Variants in GNL3L observed in about 807,000 individuals in gnomAD.
GNL3L encodes guanine nucleotide-binding protein-like 3-like protein.
Under a neutral mutation model 42.9 loss-of-function variants are expected in GNL3L, and 4 were observed. That is an observed-to-expected ratio of 0.09 (90% confidence interval 0.05 to 0.21). The LOEUF (loss-of-function observed/expected upper bound fraction) is 0.21, where lower values mean the gene tolerates loss of function less well. Ranked by LOEUF, GNL3L falls within the 10% of genes least tolerant of loss-of-function variation. The pLI, the probability that GNL3L is intolerant of heterozygous loss-of-function variation, is 1.00. For missense variants in GNL3L, 412 were observed against 481.7 expected (o/e 0.86, Z 1.36); for synonymous variants, 159 against 176.3 (o/e 0.90, Z 0.78).
At chrX:54,634,001 A>G in the GNL3L span, among the ~76,000 whole-genome samples, 1 of 112,662 alleles carries the variant, frequency 8.9e-6, no homozygotes, top group Non-Finnish European at 1.9e-5. Context: ...AGTTGTATCA[A>G]GGATCGTATG....
rs760306764 is a variant in GNL3L at position 54,619,316 on chromosome X, CTG to C, written c.*46-1527_*46-1526del. Among the ~76,000 whole-genome samples the C allele has an allele frequency of 1.9e-4, 21 of 110,946 alleles. No homozygotes were observed. The East Asian group carries it at 5.3e-3, about 28-fold the overall frequency. On this transcript the variant is annotated intron_variant, in intron 16 of 16. Transcript: ENST00000674498. ...GCTGCTTTTAAAAATAATAAAGTAT[CTG>C]TTTAACACGACATGGAAAGATGATG... is the stretch of plus-strand genomic sequence containing the variant.
At chrX:54,573,773 T>C (rs1329406390) in intron 16 of GNL3L, among the ~76,000 whole-genome samples, 1 of 111,169 alleles carries the variant, frequency 9.0e-6, no homozygotes. Flanking sequence ...ATGTTTAATG[T>C]ACTTCTCTGA....
At chrX:54,638,699 C>T in the GNL3L span, among the ~76,000 whole-genome samples, 1 of 111,897 alleles carries the variant, frequency 8.9e-6, no homozygotes, top group Non-Finnish European at 1.9e-5. Flanking sequence ...ATCCACCCAC[C>T]TCGGCCTCTC....
intron 12 of GNL3L, 79 bp downstream of exon 12, chrX:54,552,053 G>C: frequency 1.8e-6 from 2 of 1,083,262 alleles, no homozygotes; most frequent in Non-Finnish European, 2.5e-6. Context: ...GCTCATTGCC[G>C]CTGGGGCAGC....
chrX:54,551,814 C>G lies in GNL3L; in HGVS notation c.1039-18C>G. 4 of 1,210,688 alleles carry G rather than the reference C, an allele frequency of 3.3e-6. No homozygotes were observed. Among genetic ancestry groups the G allele is most frequent in the African/African-American group, 1.7e-5 (1 of 57,930 alleles). On this transcript the variant is annotated intron_variant, in intron 11 of 15. Coordinates refer to ENST00000360845, the MANE Select transcript of GNL3L (RefSeq NM_001184819.2). ...CTTCATTCCTCCTCATGACTTCTCT[C>G]CTTCCTCCCTTCACCAGATTTCCAA...
chrX:54,631,369 C>CT, the GNL3L span, among the ~76,000 whole-genome samples: 2 of 110,390 alleles, frequency 1.8e-5, no homozygotes, highest in Non-Finnish European at 3.8e-5. Flanking sequence ...TGCCATCTAT[C>CT]TCATTTCTTA....
Position 54,554,702 on chromosome X carries a change from A to T in GNL3L, c.1446+10A>T. On this transcript the variant is annotated intron_variant, in intron 14 of 15. Coordinates refer to ENST00000360845, the MANE Select transcript of GNL3L (RefSeq NM_001184819.2). ...AACCACCGTGTATAAGGTACCTGTC[A>T]TCTTTGTTCATGGCAACCCTCTTCT... 8.3e-7 allele frequency: 1 copy of T among 1,200,788 alleles called. No individual in the cohort carries two copies. The highest frequency in any genetic ancestry group is 2.2e-5 in the Admixed American group (1 of 45,969).
At chrX:54,550,812 G>A in intron 9 of GNL3L, 151 bp from the exon 10 acceptor site, 1 of 440,233 alleles carries the variant, frequency 2.3e-6, no homozygotes, top group Non-Finnish European at 4.0e-6. Context: ...GGCTTTGTCA[G>A]GGCCTGGGGT....
At chrX:54,541,141 A>G in intron 4 of GNL3L, 132 bp from the exon 5 acceptor site, 2 of 459,807 alleles carry the variant, frequency 4.3e-6, no homozygotes, top group East Asian at 3.6e-5. Context: ...TCCTGATGTC[A>G]TATCTTCCCT....
chrX:54,576,022 T>C (rs998661370), intron 16 of GNL3L, among the ~76,000 whole-genome samples: 8 of 112,420 alleles, frequency 7.1e-5, no homozygotes, highest in African/African-American at 2.6e-4. Flanking sequence ...GATGGAGTGT[T>C]CTAAGGATGA....
At chrX:54,625,618 C>T (rs182105645), downstream of GNL3L, among the ~76,000 whole-genome samples, 4 of 110,236 alleles carry the variant, frequency 3.6e-5, no homozygotes, top group African/African-American at 6.6e-5. Context: ...GGATATTGGT[C>T]GGTAATATTC....
intron 8 of GNL3L, among the ~76,000 whole-genome samples, chrX:54,547,089 C>T (rs1450665894): frequency 2.9e-5 from 3 of 102,374 alleles, no homozygotes; most frequent in Non-Finnish European, 4.0e-5. Flanking sequence ...CTCTGCCTCC[C>T]GGGTTCAAGT....
At chrX:54,630,662 TTTCCTTCC>T in the GNL3L span, among the ~76,000 whole-genome samples, 7 of 53,368 alleles carry the variant, frequency 1.3e-4, no homozygotes, top group Admixed American at 2.5e-4. Flanking sequence ...TTTCTCCTTC[TTTCCTTCC>T]TTCCTTCCTT....
intron 16 of GNL3L, among the ~76,000 whole-genome samples, chrX:54,582,819 G>C (rs1168036275): frequency 8.9e-6 from 1 of 112,224 alleles, no homozygotes; most frequent in Non-Finnish European, 1.9e-5. Flanking sequence ...CTGGCCTCAA[G>C]TGATCCACCT....
At chrX:54,580,959 TTAG>T (rs1462172206) in intron 16 of GNL3L, among the ~76,000 whole-genome samples, 1 of 109,931 alleles carries the variant, frequency 9.1e-6, no homozygotes, top group Non-Finnish European at 1.9e-5. Flanking sequence ...TTTTGTAGTT[TTAG>T]TAGAGACGGG....
chrX:54,555,129 C>T (rs1186729855), intron 14 of GNL3L, among the ~76,000 whole-genome samples: 1 of 110,466 alleles, frequency 9.1e-6, no homozygotes, highest in Non-Finnish European at 1.9e-5. Flanking sequence ...TCTCCTGCCT[C>T]AGCCTCCCAG....
the GNL3L span, among the ~76,000 whole-genome samples, chrX:54,630,708 T>TTCTTTC: frequency 0.19 from 11,113 of 58,579 alleles, 1,393 homozygotes; most frequent in Admixed American, 0.27. Context: ...CTTTCTTTCT[T>TTCTTTC]TTTCTTTCTT....
At chrX:54,642,247 C>G in the GNL3L span, among the ~76,000 whole-genome samples, 6 of 111,971 alleles carry the variant, frequency 5.4e-5, no homozygotes, top group Admixed American at 9.5e-5. Context: ...TAAGGTGACA[C>G]AGCCAGTGAT....
chrX:54,575,842 G>A (rs1299645407), intron 16 of GNL3L, among the ~76,000 whole-genome samples: 3 of 112,215 alleles, frequency 2.7e-5, no homozygotes, highest in Non-Finnish European at 3.8e-5. Context: ...CCCGGGAGTC[G>A]GAGGTTGCGG....
Sources: allele counts gnomAD v4.1 joint callset (sites outside exome capture counted in the v4.1 genomes callset), GRCh38; gene constraint gnomAD v4.1.1; transcripts MANE v1.5; gene names NCBI Gene and HGNC (gene_info 2026-07-23, HGNC 2026-07-21).